SLC4A10: variants seen among roughly 807,000 people sequenced by gnomAD.
The protein encoded by SLC4A10 is sodium-driven chloride bicarbonate exchanger.
Under a neutral mutation model 137.7 loss-of-function variants are expected in SLC4A10, and 42 were observed. The ratio of observed to expected loss-of-function variants is 0.30; its 90% CI spans 0.24 to 0.39. The LOEUF (loss-of-function observed/expected upper bound fraction) is 0.39, where lower values mean the gene tolerates loss of function less well. Among genes scored for constraint, SLC4A10 ranks in the 10% least tolerant of loss-of-function variants. The pLI, the probability that SLC4A10 is intolerant of heterozygous loss-of-function variation, is 1.00. For missense variants in SLC4A10, 925 were observed against 1,355.0 expected (o/e 0.68, Z 4.98); for synonymous variants, 474 against 464.1 (o/e 1.02, Z -0.27).
chr2:161,921,589 G>A (rs72865293), intron 15 of SLC4A10, among the ~76,000 whole-genome samples: 13,183 of 152,278 alleles, frequency 0.087, 610 homozygotes, highest in East Asian at 0.13. Context: ...ACAAGTAATT[G>A]TGGAACAGTG....
intron 1 of SLC4A10, among the ~76,000 whole-genome samples, chr2:161,727,540 G>A (rs938139417): frequency 4.6e-5 from 7 of 152,080 alleles, no homozygotes; most frequent in African/African-American, 1.7e-4. Flanking sequence ...TCCAAATTTT[G>A]TCATTAAAAC....
intron 19 of SLC4A10, 127 bp downstream of exon 19, chr2:161,950,975 A>G (rs1238008573): frequency 2.5e-6 from 2 of 801,740 alleles, no homozygotes; most frequent in Non-Finnish European, 3.6e-6. Context: ...TTAGATGTAT[A>G]ATTTTTATTG....
chr2:161,656,361 A>G (rs1416107573), intron 1 of SLC4A10, among the ~76,000 whole-genome samples: 1 of 152,318 alleles, frequency 6.6e-6, no homozygotes, highest in Non-Finnish European at 1.5e-5. Context: ...TACTAATTAT[A>G]TTTTAGTGGC....
intron 3 of SLC4A10, among the ~76,000 whole-genome samples, chr2:161,823,262 C>A (rs2057767052): frequency 6.6e-6 from 1 of 152,146 alleles, no homozygotes; most frequent in South Asian, 2.1e-4. Flanking sequence ...GCAAAAAATG[C>A]AGTATTAAAT....
intron 1 of SLC4A10, among the ~76,000 whole-genome samples, chr2:161,724,999 C>G (rs1396303001): frequency 6.6e-6 from 1 of 152,076 alleles, no homozygotes; most frequent in East Asian, 1.9e-4. Flanking sequence ...TTCTTTAAAG[C>G]CATAACTTAT....
intron 1 of SLC4A10, among the ~76,000 whole-genome samples, chr2:161,756,090 G>T (rs1475717892): frequency 1.3e-5 from 2 of 152,046 alleles, no homozygotes; most frequent in African/African-American, 4.8e-5. Context: ...TTTTCAAAAT[G>T]TCATTTTAAA....
At position 161,896,419 on chromosome 2, in the gene SLC4A10, A is replaced by T. The variant is rs539613819; in HGVS notation, c.1341+1594A>T. On this transcript the variant is annotated intron_variant, in intron 11 of 26. Coordinates refer to ENST00000446997, the MANE Select transcript of SLC4A10 (RefSeq NM_001178015.2). ...CAGGCTCTTTTTTAGTTCCATATGA[A>T]CTTTAAAGTAGTTTTTTTCCAATTC... Among the ~76,000 whole-genome samples the T allele has an allele frequency of 7.2e-5, 11 of 152,140 alleles. No individual in the cohort carries two copies. In the East Asian group the frequency reaches 1.2e-3, roughly 16 times the overall value.
At chr2:161,658,057 A>G (rs1558962709) in intron 1 of SLC4A10, among the ~76,000 whole-genome samples, 2 of 151,968 alleles carry the variant, frequency 1.3e-5, no homozygotes, top group Non-Finnish European at 2.9e-5. Flanking sequence ...TTTATCACTT[A>G]TTTTTTTCTT....
At chr2:161,713,197 C>G (rs1183032555) in intron 1 of SLC4A10, among the ~76,000 whole-genome samples, 1 of 151,594 alleles carries the variant, frequency 6.6e-6, no homozygotes, top group African/African-American at 2.4e-5. Context: ...TTGTTGGGAC[C>G]AGATAAGTGT....
intron 8 of SLC4A10, among the ~76,000 whole-genome samples, chr2:161,874,312 C>A (rs1034122477): frequency 6.6e-6 from 1 of 152,308 alleles, no homozygotes; most frequent in Non-Finnish European, 1.5e-5. Flanking sequence ...CAGAAACAAT[C>A]ATTATAAAGC....
intron 15 of SLC4A10, among the ~76,000 whole-genome samples, chr2:161,914,837 T>A (rs1686730853): frequency 6.6e-6 from 1 of 152,036 alleles, no homozygotes; most frequent in African/African-American, 2.4e-5. Flanking sequence ...TAAAAAATGA[T>A]TAAGATTAAA....
chr2:161,870,156 TATTA>T (rs1437273554), intron 6 of SLC4A10, among the ~76,000 whole-genome samples: 1 of 151,108 alleles, frequency 6.6e-6, no homozygotes, highest in East Asian at 1.9e-4. Context: ...TTACATAAAA[TATTA>T]ATTATTAATT....
At chr2:161,839,226 T>G (rs960927492) in intron 3 of SLC4A10, among the ~76,000 whole-genome samples, 2 of 152,224 alleles carry the variant, frequency 1.3e-5, no homozygotes, top group Non-Finnish European at 2.9e-5. Context: ...AAAGGTTATA[T>G]GCTGCGTTTC....
intron 15 of SLC4A10, among the ~76,000 whole-genome samples, chr2:161,923,722 T>C: frequency 6.6e-6 from 1 of 151,822 alleles, no homozygotes. Flanking sequence ...ATACCTAATG[T>C]TAAATGATGA....
At chr2:161,923,895 A>T (rs1688594297) in intron 15 of SLC4A10, among the ~76,000 whole-genome samples, 1 of 152,188 alleles carries the variant, frequency 6.6e-6, no homozygotes, top group Non-Finnish European at 1.5e-5. Flanking sequence ...ATACATAAGG[A>T]AACTGAAACA....
intron 1 of SLC4A10, among the ~76,000 whole-genome samples, chr2:161,638,985 A>T (rs1055260497): frequency 2.6e-5 from 4 of 152,034 alleles, no homozygotes; most frequent in Admixed American, 6.6e-5. Flanking sequence ...AGAAACACAA[A>T]GGATCATTAT....
intron 1 of SLC4A10, among the ~76,000 whole-genome samples, chr2:161,700,343 A>G (rs2042995306): frequency 6.6e-6 from 1 of 152,142 alleles, no homozygotes; most frequent in African/African-American, 2.4e-5. Context: ...TAGCCATCGC[A>G]TTTATTCAGT....
chr2:161,953,725 C>T (rs1277058335), intron 19 of SLC4A10, among the ~76,000 whole-genome samples: 1 of 152,164 alleles, frequency 6.6e-6, no homozygotes, highest in Non-Finnish European at 1.5e-5. Flanking sequence ...AATCAGTAAA[C>T]CTCGAACTCA....
At chr2:161,822,490 G>A (rs1380665654) in intron 3 of SLC4A10, among the ~76,000 whole-genome samples, 3 of 152,078 alleles carry the variant, frequency 2.0e-5, no homozygotes, top group Admixed American at 6.6e-5. Context: ...CACAAATTGT[G>A]CTTTTTTTTA....
Sources: allele counts gnomAD v4.1 joint callset (sites outside exome capture counted in the v4.1 genomes callset), GRCh38; gene constraint gnomAD v4.1.1; transcripts MANE v1.5; gene names NCBI Gene and HGNC (gene_info 2026-07-23, HGNC 2026-07-21).